ST13: variants seen among roughly 807,000 people sequenced by gnomAD.
ST13 encodes ST13 Hsp70 interacting protein.
A neutral mutation model predicts 56.7 loss-of-function variants in ST13; 23 were observed. That is an observed-to-expected ratio of 0.41 (90% CI 0.29 to 0.57). The LOEUF is 0.57. Ranked by LOEUF, ST13 falls within the 20% of genes least tolerant of loss-of-function variation. The pLI is 0.36. For missense variants in ST13, 369 were observed against 459.9 expected, an observed-to-expected ratio of 0.80 and a Z score of 1.81; for synonymous variants, 132 against 142.4, an observed-to-expected ratio of 0.93 and a Z score of 0.52.
rs776804893 is a variant in ST13 at position 40,856,568 on chromosome 22, G to A, written c.-28C>T. 2 of 1,589,852 alleles carry A rather than the reference G, an allele frequency of 1.3e-6. No individual in the cohort carries two copies. Among genetic ancestry groups the A allele is most frequent in the African/African-American group, 1.3e-5 (1 of 74,404 alleles). On this transcript the variant is annotated 5_prime_UTR_variant, in exon 1 of 12. Coordinates refer to ENST00000216218, the MANE Select transcript of ST13 (RefSeq NM_003932.5). Reference sequence around the variant, plus strand: ...TAGGGAGGTGGTGGGCGAAACTGGGGGGGCTACGGCCCGGTTCCAGGCCCA... The same window carrying A: ...TAGGGAGGTGGTGGGCGAAACTGGGAGGGCTACGGCCCGGTTCCAGGCCCA...
Position 40,835,880 on chromosome 22 carries a change from G to A in ST13, c.390C>T (p.Leu130=). 1 of 1,608,174 alleles carries A rather than the reference G, an allele frequency of 6.2e-7. No homozygotes were observed. Among genetic ancestry groups the A allele is most frequent in the Non-Finnish European group, 8.5e-7 (1 of 1,178,558 alleles). The change falls in exon 6 of 12, where the codon CTC becomes CTT. Residue 130 remains leucine (L), a synonymous_variant. Coordinates refer to ENST00000216218, the MANE Select transcript of ST13 (RefSeq NM_003932.5). ...CTGTGAATAAGTCAATGGCTTTCTG[G>A]AGTTCACCTAAAGTGAAACAAAAGT... The part of the protein sequence containing the change: ...AAIEALNDGE[L]QKAIDLFTDA...
At chr22:40,830,049 T>TA (rs1328455507) in intron 9 of ST13, among the ~76,000 whole-genome samples, 5 of 152,208 alleles carry the variant, frequency 3.3e-5, no homozygotes, top group Admixed American at 2.0e-4. Context: ...TCCGTTATTC[T>TA]CCCTACATAA....
intron 7 of ST13, 86 bp from the exon 8 acceptor site, chr22:40,832,757 T>C (rs2057759948): frequency 1.9e-6 from 2 of 1,068,756 alleles, no homozygotes; most frequent in Non-Finnish European, 2.8e-6. Flanking sequence ...CAAAAAAGGA[T>C]TGTTCTAAAA....
At chr22:40,832,009 C>T (rs1209232315) in intron 8 of ST13, 1 of 333,200 alleles carries the variant, frequency 3.0e-6, no homozygotes, top group Non-Finnish European at 6.0e-6. Flanking sequence ...CGCATGCCAC[C>T]ACACCTGGCT....
At chr22:40,848,251 A>C (rs2057842574) in intron 3 of ST13, 43 bp downstream of exon 3, 2 of 1,380,650 alleles carry the variant, frequency 1.4e-6, no homozygotes, top group Non-Finnish European at 2.1e-6. Context: ...ACAAAGTATC[A>C]CATCATAGGT....
intron 5 of ST13, 143 bp from the exon 6 acceptor site, chr22:40,836,030 T>C: frequency 1.5e-6 from 1 of 667,302 alleles, no homozygotes; most frequent in Non-Finnish European, 2.5e-6. Flanking sequence ...ATACTAAAAC[T>C]GGCTCTTGAA....
At chr22:40,827,866 T>G (rs2145730555) in intron 10 of ST13, among the ~76,000 whole-genome samples, 1 of 152,200 alleles carries the variant, frequency 6.6e-6, no homozygotes, top group Non-Finnish European at 1.5e-5. Flanking sequence ...CAAAGAGTCA[T>G]CTAACAGTTC....
chr22:40,826,737 C>T, intron 11 of ST13, 71 bp from the exon 12 acceptor site: 1 of 1,550,024 alleles, frequency 6.5e-7, no homozygotes, highest in Non-Finnish European at 8.8e-7. Flanking sequence ...TCCTAAATTC[C>T]ATCTCTTATT....
intron 1 of ST13, among the ~76,000 whole-genome samples, chr22:40,855,641 A>G (rs1601478082): frequency 6.6e-6 from 1 of 152,368 alleles, no homozygotes; most frequent in East Asian, 1.9e-4. Flanking sequence ...CCTTCAACAC[A>G]TAAAATGCTA....
intron 7 of ST13, among the ~76,000 whole-genome samples, chr22:40,834,348 T>C (rs2057767767): frequency 6.6e-6 from 1 of 152,286 alleles, no homozygotes; most frequent in East Asian, 1.9e-4. Context: ...TTAGAGTGTA[T>C]ACTGTTTTTA....
intron 10 of ST13, among the ~76,000 whole-genome samples, chr22:40,828,183 C>T (rs2057737463): frequency 6.6e-6 from 1 of 152,042 alleles, no homozygotes; most frequent in African/African-American, 2.4e-5. Context: ...GAGAATAATG[C>T]TCTAGCAAAA....
chr22:40,845,193 T>C (rs1371075858), intron 3 of ST13, among the ~76,000 whole-genome samples: 1 of 152,226 alleles, frequency 6.6e-6, no homozygotes, highest in African/African-American at 2.4e-5. Context: ...AGTCATTGTA[T>C]ATAAATACAC....
At position 40,826,499 on chromosome 22, in the gene ST13, G is replaced by C. The variant is rs750085667; in HGVS notation, c.*39C>G. Reference sequence around the variant, plus strand: ...CGACATCCATAAGGTGATCTAGGTTGCTTTTCCTTCAGCAAGGGCTTTATT... The same window carrying C: ...CGACATCCATAAGGTGATCTAGGTTCCTTTTCCTTCAGCAAGGGCTTTATT... On this transcript the variant is annotated 3_prime_UTR_variant, in exon 12 of 12. Coordinates refer to ENST00000216218, the MANE Select transcript of ST13 (RefSeq NM_003932.5). 14 of 1,593,366 alleles carry C rather than the reference G, an allele frequency of 8.8e-6. No homozygotes were observed. The South Asian group carries it at 1.5e-4, about 18-fold the overall frequency.
chr22:40,851,956 A>T (rs1033116987), intron 1 of ST13, among the ~76,000 whole-genome samples: 2 of 152,044 alleles, frequency 1.3e-5, no homozygotes, highest in Non-Finnish European at 2.9e-5. Context: ...TGTTAGCCAG[A>T]ACGGTCTCGA....
chr22:40,843,093 CTGGA>C (rs2057812344), intron 4 of ST13, among the ~76,000 whole-genome samples: 1 of 152,112 alleles, frequency 6.6e-6, no homozygotes, highest in Non-Finnish European at 1.5e-5. Context: ...ACACTCCAGC[CTGGA>C]TGGAAGAGTG....
At chr22:40,829,930 A>G (rs2057746480) in intron 9 of ST13, among the ~76,000 whole-genome samples, 1 of 152,220 alleles carries the variant, frequency 6.6e-6, no homozygotes, top group South Asian at 2.1e-4. Context: ...AACAATTTAT[A>G]GTACTAATAT....
chr22:40,850,767 C>A, intron 2 of ST13, 56 bp downstream of exon 2: 5 of 1,359,684 alleles, frequency 3.7e-6, no homozygotes, highest in Non-Finnish European at 5.1e-6. Flanking sequence ...AAAAACAACC[C>A]CTAAGAAATC....
intron 5 of ST13, among the ~76,000 whole-genome samples, chr22:40,836,526 G>T (rs1455774273): frequency 6.6e-6 from 1 of 152,036 alleles, no homozygotes; most frequent in Non-Finnish European, 1.5e-5. Flanking sequence ...TTATTCCATT[G>T]ATTTTCTTTT....
Position 40,856,610 on chromosome 22 carries a change from G to C in ST13, c.-70C>G. 4 of 1,303,784 alleles carry C rather than the reference G, an allele frequency of 3.1e-6. No individual in the cohort carries two copies. Among genetic ancestry groups the C allele is most frequent in the Admixed American group, 1.7e-5 (1 of 58,086 alleles). The allele number at this position is 1,303,784 out of a possible 1,614,324, so 80.8% of individuals were successfully genotyped here. On this transcript the variant is annotated 5_prime_UTR_variant, in exon 1 of 12. Transcript: ENST00000216218. ...CCAGGCCCAGGCGCTGGCTCGGCGT[G>C]ACCGCGCAGAAGGGGGCGGCTGCCG... is the stretch of plus-strand genomic sequence containing the variant.
Sources: gnomAD v4.1 joint callset for allele counts (sites outside exome capture counted in the v4.1 genomes callset) on GRCh38, gnomAD v4.1.1 for gene constraint, MANE v1.5 for transcripts, NCBI Gene and HGNC (gene_info 2026-07-23, HGNC 2026-07-21) for gene names.